MAP7: variants seen among roughly 807,000 people sequenced by gnomAD.
MAP7 encodes ensconsin.
A neutral mutation model predicts 94.8 loss-of-function variants in MAP7; 52 were observed. That is an observed-to-expected ratio of 0.55 (90% CI 0.44 to 0.69). The LOEUF is 0.69. MAP7 is among the 30% of genes least tolerant of loss of function. The pLI is 0.00. For missense variants in MAP7, 940 were observed against 964.6 expected, an observed-to-expected ratio of 0.97 and a Z score of 0.34; for synonymous variants, 350 against 357.0, an observed-to-expected ratio of 0.98 and a Z score of 0.22.
chr6:136,424,797 G>A (rs763176170), intron 1 of MAP7, among the ~76,000 whole-genome samples: 7 of 152,194 alleles, frequency 4.6e-5, no homozygotes, highest in South Asian at 4.1e-4. Flanking sequence ...TCTGAGACAC[G>A]TCTGACTATA....
At chr6:136,465,583 T>C (rs1453389994) in intron 1 of MAP7, among the ~76,000 whole-genome samples, 2 of 152,204 alleles carry the variant, frequency 1.3e-5, no homozygotes, top group Non-Finnish European at 2.9e-5. Flanking sequence ...CTTTAATGTA[T>C]ATACAACCCT....
In MAP7 at chr6:136,343,897, AT is replaced by A. The variant is rs1275679338; in HGVS notation, c.*330del. ...ATGTTAAGCTTTTAAGACCAAAAAA[AT>A]CATGCCTAGTCAGCCCATTTCTTTT... On this transcript the variant is annotated 3_prime_UTR_variant, in exon 18 of 18. Transcript: ENST00000354570. The A allele has an allele frequency of 5.5e-6, 1 of 180,602 alleles. No homozygotes were observed. Among genetic ancestry groups the A allele is most frequent in the East Asian group, 1.4e-4 (1 of 7,318 alleles). The allele number at this position is 180,602 out of a possible 1,614,324, so 11.2% of individuals were successfully genotyped here.
At chr6:136,436,972 T>C (rs1435054408) in intron 1 of MAP7, among the ~76,000 whole-genome samples, 1 of 152,182 alleles carries the variant, frequency 6.6e-6, no homozygotes, top group Non-Finnish European at 1.5e-5. Context: ...TGAAAGTCAC[T>C]AGCAGTTTGA....
chr6:136,540,438 A>AAAAAG (rs1554274373), intron 1 of MAP7, among the ~76,000 whole-genome samples: 5 of 151,786 alleles, frequency 3.3e-5, no homozygotes, highest in African/African-American at 1.2e-4. Context: ...AAGTCAAAAC[A>AAAAAG]AAAGCTGAAT....
At chr6:136,506,302 G>A (rs1219245791) in intron 1 of MAP7, among the ~76,000 whole-genome samples, 4 of 152,062 alleles carry the variant, frequency 2.6e-5, no homozygotes, top group African/African-American at 9.7e-5. Context: ...AATCATTACT[G>A]TGGATGGTAT....
At chr6:136,511,157 T>G (rs1265030983) in intron 1 of MAP7, among the ~76,000 whole-genome samples, 2 of 152,116 alleles carry the variant, frequency 1.3e-5, no homozygotes, top group Non-Finnish European at 1.5e-5. Flanking sequence ...ATTAGAAGTG[T>G]TGATATAAGA....
intron 3 of MAP7, among the ~76,000 whole-genome samples, chr6:136,399,291 GA>G (rs1294280765): frequency 6.6e-6 from 1 of 152,122 alleles, no homozygotes; most frequent in African/African-American, 2.4e-5. Flanking sequence ...CCCATGACTT[GA>G]TTTTTTTGTT....
chr6:136,506,056 CA>C (rs1014024640), intron 1 of MAP7, among the ~76,000 whole-genome samples: 1 of 151,924 alleles, frequency 6.6e-6, no homozygotes, highest in African/African-American at 2.4e-5. Flanking sequence ...AAATCAACAA[CA>C]AAAAAATCTG....
intron 1 of MAP7, among the ~76,000 whole-genome samples, chr6:136,492,174 A>C (rs2128991636): frequency 6.6e-6 from 1 of 152,344 alleles, no homozygotes; most frequent in African/African-American, 2.4e-5. Flanking sequence ...TTAGATTCTC[A>C]TAAGGAGTGC....
intron 3 of MAP7, among the ~76,000 whole-genome samples, chr6:136,393,978 A>AATTTTTTTTTTTTTTT (rs1554242697): frequency 2.8e-5 from 1 of 36,204 alleles, no homozygotes; most frequent in African/African-American, 7.4e-5. Flanking sequence ...CAGCAAAGGT[A>AATTTTTTTTTTTTTTT]TTTTTTTTTT....
chr6:136,522,659 A>T (rs759857711), intron 1 of MAP7, among the ~76,000 whole-genome samples: 1 of 152,204 alleles, frequency 6.6e-6, no homozygotes, highest in Non-Finnish European at 1.5e-5. Context: ...AAAGTTTCTG[A>T]TTGTGTATCG....
At chr6:136,498,879 G>A (rs968771886) in intron 1 of MAP7, among the ~76,000 whole-genome samples, 2 of 152,006 alleles carry the variant, frequency 1.3e-5, no homozygotes, top group Non-Finnish European at 2.9e-5. Flanking sequence ...AGTTCAGGAA[G>A]TCATTAGGAT....
At chr6:136,458,779 G>A (rs1219861090) in intron 1 of MAP7, among the ~76,000 whole-genome samples, 1 of 152,064 alleles carries the variant, frequency 6.6e-6, no homozygotes, top group East Asian at 1.9e-4. Context: ...ACACCTAAAT[G>A]TGAAGCCTAA....
intron 7 of MAP7, among the ~76,000 whole-genome samples, chr6:136,374,313 C>G (rs948184540): frequency 6.6e-6 from 1 of 152,128 alleles, no homozygotes; most frequent in African/African-American, 2.4e-5. Flanking sequence ...TTTTCTCAAG[C>G]GCCACAACAA....
At chr6:136,422,015 A>C (rs974030052) in intron 1 of MAP7, among the ~76,000 whole-genome samples, 2 of 152,202 alleles carry the variant, frequency 1.3e-5, no homozygotes, top group Non-Finnish European at 2.9e-5. Context: ...CATCTTATAG[A>C]AGTGGCATGT....
intron 1 of MAP7, among the ~76,000 whole-genome samples, chr6:136,542,704 A>G (rs1279808355): frequency 1.3e-5 from 2 of 151,010 alleles, no homozygotes; most frequent in South Asian, 2.1e-4. Flanking sequence ...CAAGCAAGCA[A>G]TGGTGTGTTA....
intron 2 of MAP7, among the ~76,000 whole-genome samples, chr6:136,413,511 G>A (rs1379725234): frequency 1.4e-4 from 21 of 149,010 alleles, no homozygotes; most frequent in Non-Finnish European, 2.5e-4. Context: ...GAGACAGAGC[G>A]AGACACCGTC....
intron 1 of MAP7, among the ~76,000 whole-genome samples, chr6:136,447,814 A>G (rs994471030): frequency 6.6e-6 from 1 of 152,218 alleles, no homozygotes; most frequent in Non-Finnish European, 1.5e-5. Context: ...AAAATACCAT[A>G]ATATTAAAAT....
chr6:136,482,933 C>G lies in MAP7; in HGVS notation c.68-61134G>C, dbSNP rs180831199. ...GCTGCTAAAAGGCATATATATTGTG[C>G]AGATGTTGTATGCAGTGTCTATTTG... On this transcript the variant is annotated intron_variant, in intron 1 of 17. Transcript: ENST00000354570. Among the ~76,000 whole-genome samples the G allele has an allele frequency of 9.2e-5, 14 of 152,124 alleles. 1 individual carries two copies. In the East Asian group the frequency reaches 2.7e-3, roughly 29 times the overall value.
Sources: gnomAD v4.1 joint callset for allele counts (sites outside exome capture counted in the v4.1 genomes callset) on GRCh38, gnomAD v4.1.1 for gene constraint, MANE v1.5 for transcripts, NCBI Gene and HGNC (gene_info 2026-07-23, HGNC 2026-07-21) for gene names.